The following MBD5 variants were observed in gnomAD, a reference collection of about 807,000 sequenced individuals.
MBD5 encodes methyl-CpG binding domain protein 5.
In MBD5, 13 loss-of-function variants were observed where a neutral mutation model predicts 117.3. The observed-to-expected ratio is 0.11, with a 90% CI of 0.07 to 0.18. The LOEUF (loss-of-function observed/expected upper bound fraction) is 0.18. Ranked by LOEUF, MBD5 falls within the 10% of genes least tolerant of loss-of-function variation. MBD5 has a pLI of 1.00. For missense variants in MBD5, 1,879 were observed against 2,093.8 expected (o/e 0.90, Z 2.00); for synonymous variants, 727 against 766.4 (o/e 0.95, Z 0.85).
At chr2:148,250,062 A>G (rs1456053463) in intron 3 of MBD5, among the ~76,000 whole-genome samples, 2 of 152,146 alleles carry the variant, frequency 1.3e-5, no homozygotes, top group African/African-American at 2.4e-5. Flanking sequence ...AGACCCACTC[A>G]TCTTCCTAAT....
intron 4 of MBD5, among the ~76,000 whole-genome samples, chr2:148,454,168 G>A (rs1706813074): frequency 6.6e-6 from 1 of 151,988 alleles, no homozygotes; most frequent in African/African-American, 2.4e-5. Context: ...ATAGTAAAAT[G>A]CCCAGGAAGA....
intron 1 of MBD5, among the ~76,000 whole-genome samples, chr2:148,022,814 G>A (rs1355814645): frequency 6.6e-6 from 1 of 152,040 alleles, no homozygotes; most frequent in Non-Finnish European, 1.5e-5. Flanking sequence ...AAATTGAAAG[G>A]TAAATCCAGA....
intron 2 of MBD5, among the ~76,000 whole-genome samples, chr2:148,221,957 A>C (rs1373018949): frequency 6.6e-6 from 1 of 152,156 alleles, no homozygotes; most frequent in Non-Finnish European, 1.5e-5. Context: ...ATAGCAGTCT[A>C]ACTGCATTCT....
chr2:148,314,596 T>C (rs1294097609), intron 3 of MBD5, among the ~76,000 whole-genome samples: 1 of 152,108 alleles, frequency 6.6e-6, no homozygotes, highest in Non-Finnish European at 1.5e-5. Flanking sequence ...CAGGCTGGTC[T>C]CTAACTCCTG....
At chr2:148,284,362 A>T (rs976670096) in intron 3 of MBD5, among the ~76,000 whole-genome samples, 1 of 152,210 alleles carries the variant, frequency 6.6e-6, no homozygotes, top group Non-Finnish European at 1.5e-5. Flanking sequence ...CAAAGGTATG[A>T]TTACTAAGTC....
At chr2:148,160,810 T>C (rs1697990526) in intron 1 of MBD5, among the ~76,000 whole-genome samples, 1 of 152,224 alleles carries the variant, frequency 6.6e-6, no homozygotes, top group Admixed American at 6.5e-5. Context: ...AAGGAGTTAA[T>C]AATCCTTCCC....
chr2:148,182,360 A>T (rs1192162238), intron 2 of MBD5, among the ~76,000 whole-genome samples: 1 of 152,184 alleles, frequency 6.6e-6, no homozygotes, highest in African/African-American at 2.4e-5. Context: ...TAAACCATCC[A>T]TGCATTCATA....
At chr2:148,095,729 GTT>G (rs923930409) in intron 1 of MBD5, among the ~76,000 whole-genome samples, 1 of 131,486 alleles carries the variant, frequency 7.6e-6, no homozygotes. Flanking sequence ...TTCTGAGTTA[GTT>G]TTTTTTTTTT....
intron 1 of MBD5, among the ~76,000 whole-genome samples, chr2:148,136,806 A>C (rs1302656523): frequency 2.6e-5 from 4 of 151,770 alleles, no homozygotes; most frequent in Non-Finnish European, 5.9e-5. Context: ...CTTGTTGCCC[A>C]GGCTGGAGTG....
At chr2:148,330,309 C>CAG (rs894104441) in intron 3 of MBD5, among the ~76,000 whole-genome samples, 1 of 152,056 alleles carries the variant, frequency 6.6e-6, no homozygotes, top group East Asian at 1.9e-4. Context: ...TCACTGTAGA[C>CAG]AGAGAGAGAG....
At chr2:148,163,666 C>T (rs1698061860) in intron 1 of MBD5, among the ~76,000 whole-genome samples, 1 of 152,176 alleles carries the variant, frequency 6.6e-6, no homozygotes, top group Non-Finnish European at 1.5e-5. Flanking sequence ...CTGTCTGCCT[C>T]AGCCTCCCAA....
chr2:148,344,626 A>G lies in MBD5; in HGVS notation c.-557+2290A>G, dbSNP rs573095053. Among the ~76,000 whole-genome samples the G allele has an allele frequency of 2.0e-5, 3 of 152,076 alleles. No homozygotes were observed. The East Asian group carries it at 5.8e-4, about 29-fold the overall frequency. On this transcript the variant is annotated intron_variant, in intron 4 of 13. Coordinates refer to ENST00000642680, the MANE Select transcript of MBD5 (RefSeq NM_001378120.1). ...TCATTTGGCTTTCAGCTTGAACATT[A>G]TTGGTGTACAGAAATGCTACTGCTT...
chr2:148,356,729 A>G (rs1385542176), intron 4 of MBD5, among the ~76,000 whole-genome samples: 2 of 151,778 alleles, frequency 1.3e-5, no homozygotes, highest in East Asian at 1.9e-4. Context: ...CCAACTCTCC[A>G]TTATATAAAA....
intron 3 of MBD5, among the ~76,000 whole-genome samples, chr2:148,248,245 C>T (rs1205747015): frequency 2.6e-5 from 4 of 152,114 alleles, no homozygotes; most frequent in Non-Finnish European, 5.9e-5. Flanking sequence ...TCCCATGACA[C>T]TGCAAGGAAA....
intron 4 of MBD5, among the ~76,000 whole-genome samples, chr2:148,450,582 G>A (rs1015745238): frequency 3.9e-5 from 6 of 152,108 alleles, no homozygotes; most frequent in Non-Finnish European, 5.9e-5. Context: ...TCTCATCCTC[G>A]ATGGTGCTAG....
At chr2:148,128,008 G>C (rs1255358226) in intron 1 of MBD5, among the ~76,000 whole-genome samples, 2 of 152,030 alleles carry the variant, frequency 1.3e-5, no homozygotes, top group African/African-American at 4.8e-5. Context: ...TTTTTCATAC[G>C]TGTGTTAGCT....
At chr2:148,217,300 T>C (rs944074182) in intron 2 of MBD5, among the ~76,000 whole-genome samples, 2 of 152,150 alleles carry the variant, frequency 1.3e-5, no homozygotes, top group African/African-American at 4.8e-5. Context: ...AGGATGGCCT[T>C]TCTTTGCATT....
intron 4 of MBD5, among the ~76,000 whole-genome samples, chr2:148,343,382 T>C (rs1291427130): frequency 2.6e-5 from 4 of 152,040 alleles, no homozygotes; most frequent in Non-Finnish European, 4.4e-5. Context: ...CTAATTTACA[T>C]TCCCGCCAAC....
intron 1 of MBD5, among the ~76,000 whole-genome samples, chr2:148,155,856 C>T (rs1365950703): frequency 1.3e-5 from 2 of 152,210 alleles, no homozygotes; most frequent in Non-Finnish European, 2.9e-5. Context: ...CTCTTAGTAG[C>T]ACATGGGAGG....
Sources: allele counts gnomAD v4.1 joint callset (sites outside exome capture counted in the v4.1 genomes callset), GRCh38; gene constraint gnomAD v4.1.1; transcripts MANE v1.5; gene names NCBI Gene and HGNC (gene_info 2026-07-23, HGNC 2026-07-21).